IQGAP2: variants seen among roughly 807,000 people sequenced by gnomAD.
IQGAP2 encodes IQ motif containing GTPase activating protein 2, also known as ras GTPase-activating-like protein IQGAP2.
Under a neutral mutation model 201.3 loss-of-function variants are expected in IQGAP2, and 173 were observed. The observed-to-expected ratio is 0.86, with a 90% CI of 0.76 to 0.98. IQGAP2 has a LOEUF of 0.98. Ranked by LOEUF, IQGAP2 falls within the 50% of genes least tolerant of loss-of-function variation. The pLI is 0.00. For synonymous variants in IQGAP2, 675 were observed against 673.9 expected (o/e 1.00, Z -0.03); for missense variants, 1,687 against 1,864.8 (o/e 0.90, Z 1.76).
intron 13 of IQGAP2, among the ~76,000 whole-genome samples, chr5:76,623,870 G>A (rs1028547280): frequency 3.3e-5 from 5 of 151,194 alleles, no homozygotes; most frequent in Admixed American, 3.3e-4. Context: ...GTCAGTGCCT[G>A]GCCAGAACCT....
intron 1 of IQGAP2, among the ~76,000 whole-genome samples, chr5:76,455,925 T>A (rs1287659076): frequency 6.6e-6 from 1 of 152,206 alleles, no homozygotes; most frequent in East Asian, 1.9e-4. Context: ...GTGTGTTGAT[T>A]TATAACTTTG....
chr5:76,528,109 G>T (rs1759071543), intron 2 of IQGAP2, among the ~76,000 whole-genome samples: 1 of 152,038 alleles, frequency 6.6e-6, no homozygotes, highest in Admixed American at 6.5e-5. Flanking sequence ...TGGATCTTGG[G>T]CGCCATTAAG....
chr5:76,650,641 A>G (rs559940125), intron 17 of IQGAP2, among the ~76,000 whole-genome samples: 12 of 152,302 alleles, frequency 7.9e-5, no homozygotes, highest in Middle Eastern at 3.4e-3. Flanking sequence ...TTATATATAT[A>G]CTTTAAGTTC....
intron 2 of IQGAP2, among the ~76,000 whole-genome samples, chr5:76,516,561 A>T (rs1247844913): frequency 2.0e-5 from 3 of 152,200 alleles, no homozygotes; most frequent in African/African-American, 2.4e-5. Context: ...TTAATTGTTC[A>T]GAGAAACTCC....
chr5:76,534,006 G>C lies in IQGAP2; in HGVS notation c.147-28390G>C, dbSNP rs566335514. Among the ~76,000 whole-genome samples, 60 of 152,070 alleles carry C rather than the reference G, an allele frequency of 3.9e-4. 1 individual carries two copies. Among genetic ancestry groups the C allele is most frequent in the Non-Finnish European group, 8.1e-4 (55 of 68,020 alleles). ...GCACGATGAATAATGACTTTGTGTT[G>C]TGTCTGGCTTAAAAAGGCCATCCTT... On this transcript the variant is annotated intron_variant, in intron 2 of 35. Transcript: ENST00000274364.
intron 34 of IQGAP2, among the ~76,000 whole-genome samples, chr5:76,702,164 T>C (rs1165638439): frequency 6.6e-6 from 1 of 152,252 alleles, no homozygotes; most frequent in Non-Finnish European, 1.5e-5. Context: ...AGGTCAATAA[T>C]GTTCATGTTC....
intron 13 of IQGAP2, among the ~76,000 whole-genome samples, chr5:76,624,669 G>C (rs947654261): frequency 2.6e-5 from 4 of 152,098 alleles, no homozygotes; most frequent in African/African-American, 9.7e-5. Flanking sequence ...CTAGTTTCTG[G>C]TCATTTAATT....
At chr5:76,439,045 T>A (rs1193503891) in intron 1 of IQGAP2, among the ~76,000 whole-genome samples, 2 of 63,346 alleles carry the variant, frequency 3.2e-5, no homozygotes, top group East Asian at 2.7e-4. Context: ...GAGGCTTTGA[T>A]AACTTGTGTC....
intron 2 of IQGAP2, among the ~76,000 whole-genome samples, chr5:76,484,662 A>T (rs967429580): frequency 6.6e-6 from 1 of 152,150 alleles, no homozygotes; most frequent in Non-Finnish European, 1.5e-5. Flanking sequence ...TAAAAAAATT[A>T]AAAAAAGAAA....
rs1371034069 is a variant in IQGAP2 at position 76,636,186 on chromosome 5, C to CTAAT, written c.1781-847_1781-844dup. Among the ~76,000 whole-genome samples, 4 of 152,348 alleles carry CTAAT rather than the reference C, an allele frequency of 2.6e-5. No homozygotes were observed. In the East Asian group the frequency reaches 7.7e-4, roughly 29 times the overall value. ...TGATTTACCTGGAAAGATAATGAGT[C>CTAAT]TAATGCTCACTTGATACAGTTGACT... On this transcript the variant is annotated intron_variant, in intron 15 of 35. Transcript: ENST00000274364.
At chr5:76,478,458 G>A (rs1755580980) in intron 2 of IQGAP2, among the ~76,000 whole-genome samples, 1 of 152,164 alleles carries the variant, frequency 6.6e-6, no homozygotes, top group Admixed American at 6.5e-5. Flanking sequence ...CTACAGTAGT[G>A]TACGGTAATG....
chr5:76,680,141 G>A (rs1324312751), intron 28 of IQGAP2, among the ~76,000 whole-genome samples: 1 of 152,186 alleles, frequency 6.6e-6, no homozygotes, highest in Non-Finnish European at 1.5e-5. Context: ...CTGGCATAAG[G>A]TTAGACATAA....
At chr5:76,532,298 G>C (rs185091199) in intron 2 of IQGAP2, among the ~76,000 whole-genome samples, 29 of 152,278 alleles carry the variant, frequency 1.9e-4, no homozygotes, top group African/African-American at 7.2e-5. Context: ...CTTGAGGCTA[G>C]GAGTTTGAGT....
intron 1 of IQGAP2, among the ~76,000 whole-genome samples, chr5:76,457,028 CA>C (rs1367424849): frequency 1.3e-5 from 2 of 151,998 alleles, no homozygotes; most frequent in African/African-American, 4.8e-5. Flanking sequence ...CTTGCTTTGT[CA>C]CCCAGGCTGG....
chr5:76,571,019 G>C lies in IQGAP2; in HGVS notation c.381+362G>C, dbSNP rs572966873. Among the ~76,000 whole-genome samples the C allele has an allele frequency of 2.8e-4, 43 of 151,390 alleles. No individual in the cohort carries two copies. In the South Asian group the frequency reaches 5.7e-3, roughly 20 times the overall value. Reference sequence around the variant, plus strand: ...CTCATGCCTATAATCCCAGCACTTTGGGAGGCTAAGGTGAGAGAATCACTT... The same window carrying C: ...CTCATGCCTATAATCCCAGCACTTTCGGAGGCTAAGGTGAGAGAATCACTT... On this transcript the variant is annotated intron_variant, in intron 4 of 35. Transcript: ENST00000274364.
intron 22 of IQGAP2, among the ~76,000 whole-genome samples, chr5:76,666,771 T>C (rs989602023): frequency 3.9e-5 from 6 of 152,192 alleles, no homozygotes; most frequent in Non-Finnish European, 7.3e-5. Context: ...AGAGACAAGA[T>C]GTCACTCTCC....
At chr5:76,511,652 C>G (rs372486078) in intron 2 of IQGAP2, among the ~76,000 whole-genome samples, 10 of 151,300 alleles carry the variant, frequency 6.6e-5, no homozygotes, top group African/African-American at 2.2e-4. Context: ...AAGTGTCTTT[C>G]TTAAATGAGT....
In IQGAP2 at chr5:76,618,434, G is replaced by A. The variant is rs199782522; in HGVS notation, c.1521+7251G>A. ...TGGCAGGTATCAGTTTAGTACTTAA[G>A]GAGCTGGTCAGGTACCCCATGGTAG... On this transcript the variant is annotated intron_variant, in intron 13 of 35. Coordinates refer to ENST00000274364, the MANE Select transcript of IQGAP2 (RefSeq NM_006633.5). The A allele has an allele frequency of 1.6e-5, 26 of 1,614,182 alleles. No homozygotes were observed. The East Asian group carries it at 5.6e-4, about 35-fold the overall frequency.
chr5:76,443,997 A>G (rs951408389), intron 1 of IQGAP2, among the ~76,000 whole-genome samples: 2 of 152,228 alleles, frequency 1.3e-5, no homozygotes, highest in African/African-American at 4.8e-5. Flanking sequence ...CTACCAAATT[A>G]GAGTGATCCT....
Sources: gnomAD v4.1 joint callset for allele counts (sites outside exome capture counted in the v4.1 genomes callset) on GRCh38, gnomAD v4.1.1 for gene constraint, MANE v1.5 for transcripts, NCBI Gene and HGNC (gene_info 2026-07-23, HGNC 2026-07-21) for gene names.